IL1RAPL1: variants seen among roughly 807,000 people sequenced by gnomAD.
IL1RAPL1 encodes interleukin-1 receptor accessory protein-like 1.
IL1RAPL1 carries 3 observed loss-of-function variants against 48.4 expected under a neutral mutation model. That is an observed-to-expected ratio of 0.06 (90% confidence interval 0.03 to 0.16). The LOEUF is 0.16. Among genes scored for constraint, IL1RAPL1 ranks in the 10% least tolerant of loss-of-function variants. IL1RAPL1 has a pLI of 1.00. For missense variants in IL1RAPL1, 349 were observed against 530.6 expected (o/e 0.66, Z 3.36); for synonymous variants, 185 against 187.7 (o/e 0.99, Z 0.12).
intron 6 of IL1RAPL1, among the ~76,000 whole-genome samples, chrX:29,814,413 G>A (rs1298901868): frequency 2.7e-5 from 3 of 111,102 alleles, no homozygotes; most frequent in African/African-American, 6.5e-5. Context: ...TCTTTTGCCC[G>A]TTTTTAATGG....
At chrX:29,642,923 A>C (rs917738916) in intron 5 of IL1RAPL1, among the ~76,000 whole-genome samples, 1 of 112,348 alleles carries the variant, frequency 8.9e-6, no homozygotes, top group African/African-American at 3.2e-5. Context: ...TAAACTATAT[A>C]AACTATTAGG....
intron 6 of IL1RAPL1, among the ~76,000 whole-genome samples, chrX:29,808,446 C>T (rs1930304679): frequency 9.0e-6 from 1 of 111,370 alleles, no homozygotes; most frequent in South Asian, 3.7e-4. Context: ...TATAGAGTTG[C>T]AATAAGGTTC....
intron 5 of IL1RAPL1, among the ~76,000 whole-genome samples, chrX:29,545,704 A>G (rs926724989): frequency 3.6e-5 from 4 of 112,064 alleles, no homozygotes; most frequent in African/African-American, 9.7e-5. Context: ...CATTGTATGT[A>G]CATCCTCCAA....
At chrX:29,899,279 C>T (rs1022473655) in intron 6 of IL1RAPL1, among the ~76,000 whole-genome samples, 9 of 111,027 alleles carry the variant, frequency 8.1e-5, no homozygotes, top group Non-Finnish European at 1.3e-4. Context: ...CTCAAGAGAT[C>T]ACACGTTTAG....
Position 29,534,812 on chromosome X carries a change from CA to C in IL1RAPL1, c.704-133611del, listed in dbSNP as rs754250690. Among the ~76,000 whole-genome samples the C allele has an allele frequency of 2.2e-3, 246 of 109,516 alleles. 1 individual carries two copies. The highest frequency in any genetic ancestry group is 8.0e-3 in the African/African-American group (242 of 30,102). On this transcript the variant is annotated intron_variant, in intron 5 of 10. Transcript: ENST00000378993. ...TGAAACCCCATCTCTACTAAAAATA[CA>C]AAAAAATTAGCCGGGCGTGGTGGCG...
chrX:29,178,117 G>A (rs1221895424), intron 2 of IL1RAPL1, among the ~76,000 whole-genome samples: 1 of 111,609 alleles, frequency 9.0e-6, no homozygotes, highest in East Asian at 2.8e-4. Context: ...TCAGTAATGG[G>A]ATGGCTGGGT....
chrX:29,600,243 C>T (rs1923678165), intron 5 of IL1RAPL1, among the ~76,000 whole-genome samples: 1 of 112,025 alleles, frequency 8.9e-6, no homozygotes, highest in South Asian at 3.7e-4. Context: ...TCCCCCTTCC[C>T]CTAGGAATAA....
At chrX:28,972,339 G>A (rs1298048114) in intron 2 of IL1RAPL1, among the ~76,000 whole-genome samples, 2 of 111,885 alleles carry the variant, frequency 1.8e-5, no homozygotes, top group African/African-American at 6.5e-5. Context: ...TTGAAGATAG[G>A]GTATTGTTAT....
At chrX:29,879,259 G>A (rs1431286343) in intron 6 of IL1RAPL1, among the ~76,000 whole-genome samples, 2 of 109,617 alleles carry the variant, frequency 1.8e-5, no homozygotes, top group Non-Finnish European at 3.8e-5. Flanking sequence ...TAGGAGTAGG[G>A]AGAGAATGCC....
At chrX:29,632,715 C>T (rs1198590682) in intron 5 of IL1RAPL1, among the ~76,000 whole-genome samples, 1 of 111,258 alleles carries the variant, frequency 9.0e-6, no homozygotes. Context: ...CTGAGCTTTA[C>T]GTGGGTGATA....
At chrX:29,301,332 AT>A (rs1375688735) in intron 3 of IL1RAPL1, among the ~76,000 whole-genome samples, 1 of 111,987 alleles carries the variant, frequency 8.9e-6, no homozygotes, top group Non-Finnish European at 1.9e-5. Flanking sequence ...ACATGTTTTC[AT>A]TGTTACCTTT....
At chrX:29,742,111 G>A (rs755418353) in intron 6 of IL1RAPL1, among the ~76,000 whole-genome samples, 4 of 110,200 alleles carry the variant, frequency 3.6e-5, no homozygotes, top group South Asian at 7.8e-4. Flanking sequence ...GTATACTCAC[G>A]TCCTGGTTAT....
chrX:28,750,349 G>T (rs185799395), intron 1 of IL1RAPL1, among the ~76,000 whole-genome samples: 11 of 111,703 alleles, frequency 9.8e-5, no homozygotes, highest in Admixed American at 9.5e-4. Flanking sequence ...AACATATTTT[G>T]TGACTTGTCC....
intron 2 of IL1RAPL1, among the ~76,000 whole-genome samples, chrX:28,971,695 C>T (rs1025767352): frequency 1.8e-5 from 2 of 110,746 alleles, no homozygotes; most frequent in Non-Finnish European, 3.8e-5. Context: ...TTTGGCAGAA[C>T]GATCAATGAG....
At chrX:29,782,076 A>G (rs188784544) in intron 6 of IL1RAPL1, among the ~76,000 whole-genome samples, 46 of 95,185 alleles carry the variant, frequency 4.8e-4, no homozygotes, top group African/African-American at 1.1e-3. Flanking sequence ...ATCCATATCT[A>G]TCTGTCTGTC....
At chrX:29,831,125 T>G (rs2147188029) in intron 6 of IL1RAPL1, among the ~76,000 whole-genome samples, 1 of 111,886 alleles carries the variant, frequency 8.9e-6, no homozygotes, top group East Asian at 2.8e-4. Flanking sequence ...AGAACATAAA[T>G]ATTTCTTGGC....
At chrX:29,466,210 A>T (rs1934860604) in intron 5 of IL1RAPL1, among the ~76,000 whole-genome samples, 1 of 112,273 alleles carries the variant, frequency 8.9e-6, no homozygotes, top group African/African-American at 3.2e-5. Context: ...GGCCCAAATA[A>T]TGCATTATAT....
intron 6 of IL1RAPL1, among the ~76,000 whole-genome samples, chrX:29,746,559 A>T (rs1339751413): frequency 9.0e-6 from 1 of 111,334 alleles, no homozygotes; most frequent in Non-Finnish European, 1.9e-5. Context: ...ATATTGAATG[A>T]CTCTCTTTGT....
At chrX:29,922,484 C>T (rs1238062784) in intron 8 of IL1RAPL1, among the ~76,000 whole-genome samples, 1 of 111,926 alleles carries the variant, frequency 8.9e-6, no homozygotes, top group African/African-American at 3.2e-5. Flanking sequence ...GAATGTATGC[C>T]TTCCTTTTAA....
Sources: gnomAD v4.1 joint callset for allele counts (sites outside exome capture counted in the v4.1 genomes callset) on GRCh38, gnomAD v4.1.1 for gene constraint, MANE v1.5 for transcripts, NCBI Gene and HGNC (gene_info 2026-07-23, HGNC 2026-07-21) for gene names.